The following PRKG1 variants were observed in gnomAD, a reference collection of about 807,000 sequenced individuals.
PRKG1 encodes cGMP-dependent protein kinase 1.
PRKG1 carries 35 observed loss-of-function variants against 88.1 expected under a neutral mutation model. The ratio of observed to expected loss-of-function variants is 0.40; its 90% CI spans 0.30 to 0.53. PRKG1 has a LOEUF of 0.53. PRKG1 is among the 20% of genes least tolerant of loss of function. The probability of loss-of-function intolerance (pLI) is 0.59; values close to 1 mark genes in which losing one functional copy is unlikely to be tolerated. For missense variants in PRKG1, 540 were observed against 839.8 expected, an observed-to-expected ratio of 0.64 and a Z score of 4.41; for synonymous variants, 303 against 292.5, an observed-to-expected ratio of 1.04 and a Z score of -0.37.
At chr10:51,430,924 G>A (rs968822123) in intron 2 of PRKG1, among the ~76,000 whole-genome samples, 2 of 152,162 alleles carry the variant, frequency 1.3e-5, no homozygotes, top group South Asian at 2.1e-4. Context: ...TGGTTGCCTC[G>A]GGCAGAGAAT....
At chr10:52,247,577 A>G (rs1841058283) in intron 9 of PRKG1, among the ~76,000 whole-genome samples, 1 of 152,234 alleles carries the variant, frequency 6.6e-6, no homozygotes, top group Non-Finnish European at 1.5e-5. Flanking sequence ...TTATCTTCAA[A>G]TAATTCTCAA....
intron 1 of PRKG1, among the ~76,000 whole-genome samples, chr10:51,054,374 A>C (rs1385781965): frequency 6.6e-6 from 1 of 152,192 alleles, no homozygotes; most frequent in East Asian, 1.9e-4. Flanking sequence ...AACTTTTTAA[A>C]AGTTCAACAC....
chr10:51,753,693 A>T (rs1303343487), intron 3 of PRKG1, among the ~76,000 whole-genome samples: 1 of 152,196 alleles, frequency 6.6e-6, no homozygotes, highest in Non-Finnish European at 1.5e-5. Flanking sequence ...AAAACCATCT[A>T]TTCCAACTGC....
chr10:51,000,801 T>A (rs115290159), intron 1 of PRKG1, among the ~76,000 whole-genome samples: 2,418 of 152,208 alleles, frequency 0.016, 34 homozygotes, highest in South Asian at 0.041. Context: ...TCAATAAGGG[T>A]ACACAAGAAA....
At chr10:51,323,335 T>C (rs211077) in intron 2 of PRKG1, among the ~76,000 whole-genome samples, 11,057 of 152,278 alleles carry the variant, frequency 0.073, 609 homozygotes, top group African/African-American at 0.15. Context: ...GTTGTTTTTG[T>C]TTCAAATAGC....
intron 3 of PRKG1, among the ~76,000 whole-genome samples, chr10:51,602,601 G>A (rs1194950784): frequency 6.6e-6 from 1 of 151,656 alleles, no homozygotes; most frequent in Non-Finnish European, 1.5e-5. Context: ...TTTTTGTAAA[G>A]ACAGGGTCTA....
intron 2 of PRKG1, among the ~76,000 whole-genome samples, chr10:51,203,640 G>C (rs908356212): frequency 5.9e-5 from 9 of 152,148 alleles, no homozygotes; most frequent in African/African-American, 1.9e-4. Flanking sequence ...CTTGAATCCT[G>C]GCTCCACCAA....
intron 3 of PRKG1, among the ~76,000 whole-genome samples, chr10:51,645,650 A>T (rs537925020): frequency 7.9e-5 from 12 of 152,244 alleles, no homozygotes; most frequent in Non-Finnish European, 1.6e-4. Flanking sequence ...GCATTGCAAT[A>T]TAAAAAGTAC....
At chr10:52,064,127 C>T (rs1030475561) in intron 7 of PRKG1, among the ~76,000 whole-genome samples, 1 of 152,162 alleles carries the variant, frequency 6.6e-6, no homozygotes, top group African/African-American at 2.4e-5. Flanking sequence ...CTGTCTGCCT[C>T]CTGCTGCCAT....
At chr10:52,124,345 A>G (rs1428026703) in intron 7 of PRKG1, among the ~76,000 whole-genome samples, 1 of 152,218 alleles carries the variant, frequency 6.6e-6, no homozygotes, top group Admixed American at 6.5e-5. Context: ...CCTGTACAGC[A>G]TGTGACTGTA....
intron 9 of PRKG1, among the ~76,000 whole-genome samples, chr10:52,230,022 A>G (rs992343036): frequency 1.3e-5 from 2 of 152,216 alleles, no homozygotes; most frequent in Non-Finnish European, 2.9e-5. Context: ...AAACCGTGAA[A>G]AAAAGCATAA....
chr10:51,406,267 C>T (rs984297406), intron 2 of PRKG1, among the ~76,000 whole-genome samples: 1 of 152,210 alleles, frequency 6.6e-6, no homozygotes, highest in Admixed American at 6.5e-5. Flanking sequence ...CATCATTCCT[C>T]CCCTCTTTCT....
At chr10:52,096,478 G>A (rs766251357) in intron 7 of PRKG1, among the ~76,000 whole-genome samples, 2 of 152,146 alleles carry the variant, frequency 1.3e-5, no homozygotes, top group Non-Finnish European at 2.9e-5. Context: ...TCCTTGTAAT[G>A]TGCAACTTCC....
chr10:51,569,979 T>C (rs188852850), intron 3 of PRKG1, among the ~76,000 whole-genome samples: 3 of 151,020 alleles, frequency 2.0e-5, no homozygotes, highest in African/African-American at 7.3e-5. Flanking sequence ...TTCCTTTGAA[T>C]AGATTAATTT....
At chr10:51,316,179 T>C (rs1443180719) in intron 2 of PRKG1, among the ~76,000 whole-genome samples, 2 of 152,240 alleles carry the variant, frequency 1.3e-5, no homozygotes, top group Admixed American at 1.3e-4. Context: ...TTAAGAATTT[T>C]ATTCAAATGT....
intron 2 of PRKG1, among the ~76,000 whole-genome samples, chr10:51,277,733 T>C (rs1486581873): frequency 6.6e-6 from 1 of 152,210 alleles, no homozygotes; most frequent in African/African-American, 2.4e-5. Flanking sequence ...TGAATGGGAG[T>C]TCACTCAAGA....
intron 2 of PRKG1, among the ~76,000 whole-genome samples, chr10:51,180,215 G>T (rs1275863524): frequency 6.6e-6 from 1 of 152,168 alleles, no homozygotes; most frequent in Non-Finnish European, 1.5e-5. Flanking sequence ...GTTTATGAGA[G>T]GGGTGGAATC....
chr10:52,075,053 AG>A (rs1846594726), intron 7 of PRKG1, among the ~76,000 whole-genome samples: 1 of 152,234 alleles, frequency 6.6e-6, no homozygotes, highest in Non-Finnish European at 1.5e-5. Flanking sequence ...TAATATTTAA[AG>A]GACTTTAAGT....
intron 5 of PRKG1, among the ~76,000 whole-genome samples, chr10:51,934,260 C>CCA (rs1564715344): frequency 6.6e-6 from 1 of 150,880 alleles, no homozygotes; most frequent in Non-Finnish European, 1.5e-5. Context: ...ACATACCCCC[C>CCA]CCCCAACACC....
Sources: allele counts gnomAD v4.1 joint callset (sites outside exome capture counted in the v4.1 genomes callset), GRCh38; gene constraint gnomAD v4.1.1; transcripts MANE v1.5; gene names NCBI Gene and HGNC (gene_info 2026-07-23, HGNC 2026-07-21).